The following CACNA1G variants were observed in gnomAD, a reference collection of about 807,000 sequenced individuals.
The protein encoded by CACNA1G is calcium voltage-gated channel subunit alpha1 G.
A neutral mutation model predicts 219.4 loss-of-function variants in CACNA1G; 67 were observed. The ratio of observed to expected loss-of-function variants is 0.31; its 90% CI spans 0.25 to 0.37. The LOEUF (loss-of-function observed/expected upper bound fraction) is 0.37. Among genes scored for constraint, CACNA1G ranks in the 10% least tolerant of loss-of-function variants. CACNA1G has a pLI of 1.00. For missense variants in CACNA1G, 2,380 were observed against 3,231.4 expected (o/e 0.74, Z 6.39); for synonymous variants, 1,296 against 1,345.3 (o/e 0.96, Z 0.80).
In CACNA1G at chr17:50,575,944, C is replaced by A; in HGVS notation, c.1542C>A (p.Ala514=). The A allele has an allele frequency of 6.4e-7, 1 of 1,553,474 alleles. No individual in the cohort carries two copies. Among genetic ancestry groups the A allele is most frequent in the South Asian group, 1.2e-5 (1 of 84,302 alleles). Residue 514 remains alanine, a synonymous_variant, in exon 8 of 38, where the codon GCC becomes GCA. Transcript: ENST00000359106. ...ACCTGGGCAATGGGACGCTCAGGGC[C>A]CCCCGGGCCAGCCCGGAGATCCAGG... ...HYHLGNGTLR[A]PRASPEIQDR... is the part of the protein sequence containing the mutation.
chr17:50,604,615 C>T (rs892106367), intron 22 of CACNA1G, among the ~76,000 whole-genome samples: 2 of 152,228 alleles, frequency 1.3e-5, no homozygotes, highest in African/African-American at 2.4e-5. Flanking sequence ...CTTCCCGGCT[C>T]GAGCACAGTG....
chr17:50,619,311 C>T lies in CACNA1G; in HGVS notation c.5781+303C>T, dbSNP rs528172091. Among the ~76,000 whole-genome samples the T allele has an allele frequency of 2.0e-5, 3 of 152,266 alleles. No homozygotes were observed. In the East Asian group the frequency reaches 5.8e-4, roughly 29 times the overall value. On this transcript the variant is annotated intron_variant, in intron 33 of 37. Transcript: ENST00000359106. Reference sequence around the variant, plus strand: ...TAAGTTTTCTGTTTCCTTCCTGTTTCTTTCTTACCCTTGCCCAACTGCCAA... The same window carrying T: ...TAAGTTTTCTGTTTCCTTCCTGTTTTTTTCTTACCCTTGCCCAACTGCCAA...
intron 7 of CACNA1G, 71 bp downstream of exon 7, chr17:50,573,184 G>T: frequency 8.7e-7 from 1 of 1,145,974 alleles, no homozygotes; most frequent in South Asian, 1.3e-5. Flanking sequence ...TCCAGAGAGG[G>T]GATAGTTTGC....
intron 35 of CACNA1G, 23 bp from the exon 36 acceptor site, chr17:50,623,884 T>C: frequency 6.3e-7 from 1 of 1,596,090 alleles, no homozygotes. Flanking sequence ...TTCCTCCACC[T>C]CCCTCCCCTG....
intron 26 of CACNA1G, among the ~76,000 whole-genome samples, chr17:50,613,119 G>A (rs1038592463): frequency 1.3e-5 from 2 of 152,234 alleles, no homozygotes; most frequent in African/African-American, 4.8e-5. Flanking sequence ...TACCCACCTG[G>A]CAACTGGCGA....
intron 35 of CACNA1G, among the ~76,000 whole-genome samples, chr17:50,623,672 C>T (rs941728057): frequency 2.6e-5 from 4 of 152,036 alleles, no homozygotes; most frequent in Non-Finnish European, 5.9e-5. Flanking sequence ...GGCCTGCAGA[C>T]TCTCCCGGCT....
Position 50,618,782 on chromosome 17 carries a change from A to C in CACNA1G, c.5555A>C (p.Lys1852Thr), listed in dbSNP as rs776311974. The change falls in exon 33 of 38, where the codon AAG (lysine) becomes ACG (threonine). Residue 1852 changes from lysine to threonine, a missense_variant. Lys to Thr is a moderately conservative substitution (Grantham distance 78, BLOSUM62 -1). Coordinates refer to ENST00000359106, the MANE Select transcript of CACNA1G (RefSeq NM_018896.5). The surrounding 1 kb of genome is among the most constrained non-coding windows in gnomAD (Gnocchi z 5.3). ...AACGTGGTGATCGCCGTGCTGATGA[A>C]GCACCTGGAGGAGAGCAACAAGGAG... is the stretch of plus-strand genomic sequence containing the variant. ...LVNVVIAVLMKHLEESNKEAK... is the reference protein window; with the variant it reads ...LVNVVIAVLMTHLEESNKEAK... 1 of 1,613,992 alleles carries C rather than the reference A, an allele frequency of 6.2e-7. No individual in the cohort carries two copies. The highest frequency in any genetic ancestry group is 2.2e-5 in the East Asian group (1 of 44,878).
intron 20 of CACNA1G, 26 bp downstream of exon 20, chr17:50,602,914 G>A (rs2047051113): frequency 6.2e-7 from 1 of 1,612,208 alleles, no homozygotes; most frequent in Non-Finnish European, 8.5e-7. Flanking sequence ...GTTGGCTTGG[G>A]ACCTCTGGTT....
rs1268820733 is a variant in CACNA1G, at chr17:50,596,378, G to T, written c.2980-184G>T. Among the ~76,000 whole-genome samples the T allele has an allele frequency of 6.6e-6, 1 of 152,164 alleles. No individual in the cohort carries two copies. Among genetic ancestry groups the T allele is most frequent in the African/African-American group, 2.4e-5 (1 of 41,426 alleles). ...GTGGCTGGAGAGGCAGAGGTGGTGG[G>T]GCCCTGGGAAGCCTCGGGCCCCAAG... On this transcript the variant is annotated intron_variant, in intron 14 of 37. Coordinates refer to ENST00000359106, the MANE Select transcript of CACNA1G (RefSeq NM_018896.5). The surrounding 1 kb of genome is among the most constrained non-coding windows in gnomAD (Gnocchi z 4.8).
chr17:50,596,511 A>G lies in CACNA1G; in HGVS notation c.2980-51A>G, dbSNP rs1598426087. 2 of 1,518,994 alleles carry G rather than the reference A, an allele frequency of 1.3e-6. No homozygotes were observed. Among genetic ancestry groups the G allele is most frequent in the East Asian group, 4.5e-5 (2 of 44,314 alleles). 94.1% of individuals were successfully genotyped at this position (1,518,994 alleles called of 1,614,324 possible). On this transcript the variant is annotated intron_variant, in intron 14 of 37. Transcript: ENST00000359106. The surrounding 1 kb of genome is among the most constrained non-coding windows in gnomAD (Gnocchi z 4.8). ...AGAGAGGGAGGCCCGGTCCATCCCAACCACCCAAGCCTGGCCGGATCCCTA... is the reference window on the plus strand; with the variant it reads ...AGAGAGGGAGGCCCGGTCCATCCCAGCCACCCAAGCCTGGCCGGATCCCTA...
chr17:50,583,815 T>A (rs1219325317), intron 9 of CACNA1G, among the ~76,000 whole-genome samples: 1 of 152,034 alleles, frequency 6.6e-6, no homozygotes, highest in Non-Finnish European at 1.5e-5. Context: ...CAGTGATTGA[T>A]GTTAGCCCAG....
chr17:50,575,903 C>T lies in CACNA1G; in HGVS notation c.1501C>T (p.His501Tyr), dbSNP rs750741896. 1.4e-5 allele frequency: 22 copies of T among 1,557,886 alleles called. No homozygotes were observed. Among genetic ancestry groups the T allele is most frequent in the Non-Finnish European group, 1.9e-5 (22 of 1,151,948 alleles). The stretch of plus-strand genomic sequence containing the variant: ...CCACCTGGTGCACCACCACCACCAC[C>T]ATCACCACCACTACCACCTGGGCAA... The part of the protein sequence containing the change: ...VHHLVHHHHH[H>Y]HHHYHLGNGT... The change falls in exon 8 of 38, where the codon CAT becomes TAT. Residue 501 changes from histidine to tyrosine, a missense_variant. Coordinates refer to ENST00000359106, the MANE Select transcript of CACNA1G (RefSeq NM_018896.5).
chr17:50,561,377 C>A lies in CACNA1G; in HGVS notation c.-83C>A. On this transcript the variant is annotated 5_prime_UTR_variant, in exon 1 of 38. Coordinates refer to ENST00000359106, the MANE Select transcript of CACNA1G (RefSeq NM_018896.5). The stretch of plus-strand genomic sequence containing the variant: ...CCCACCAGATGTGCCCCCGCCGGGG[C>A]CCCCGGGTTGCGTGAGGACACCTCC... 6.6e-7 allele frequency: 1 copy of A among 1,507,940 alleles called. No individual in the cohort carries two copies. The allele number at this position is 1,507,940 out of a possible 1,614,324, so 93.4% of individuals were successfully genotyped here. A position where few individuals can be genotyped will look rare whatever the true frequency, so the allele number is the denominator to read the frequency against.
rs370741035 is a variant in CACNA1G, at chr17:50,602,997, C to T, written c.3985-18C>T. On this transcript the variant is annotated intron_variant, in intron 20 of 37. Coordinates refer to ENST00000359106, the MANE Select transcript of CACNA1G (RefSeq NM_018896.5). ...GCAGCGCAGGGAGGGCGGCCGATGA[C>T]GTGGCGGTGGTCCCCAGGTGGTGGC... is the stretch of plus-strand genomic sequence containing the variant. 127 of 1,609,898 alleles carry T rather than the reference C, an allele frequency of 7.9e-5. No homozygotes were observed. Among genetic ancestry groups the T allele is most frequent in the South Asian group, 1.3e-4 (12 of 90,952 alleles).
At chr17:50,587,454 G>A (rs2043216691) in intron 9 of CACNA1G, among the ~76,000 whole-genome samples, 1 of 152,186 alleles carries the variant, frequency 6.6e-6, no homozygotes. Flanking sequence ...TGGTCCCTGG[G>A]GCAACTTTGT....
Position 50,624,512 on chromosome 17 carries a change from A to G in CACNA1G, c.6382A>G (p.Arg2128Gly). ...ACCAGGACGCTCCCCTTTGGCTCAG[A>G]GGCCACTCAGGCGCCAGGTGAGCAG... ...PPPGRSPLAQ[R>G]PLRRQAAIRT... Residue 2128 changes from arginine to glycine, a missense_variant, in exon 37 of 38, where the codon AGG becomes GGG. By Grantham distance (125) the Arg-to-Gly change is moderately radical. This residue lies in a region of CACNA1G where 672 missense variants were observed against 670.5 expected (regional missense o/e 1.00). Coordinates refer to ENST00000359106, the MANE Select transcript of CACNA1G (RefSeq NM_018896.5). The G allele has an allele frequency of 6.3e-7, 1 of 1,592,914 alleles. No homozygotes were observed. Among genetic ancestry groups the G allele is most frequent in the Non-Finnish European group, 8.5e-7 (1 of 1,169,856 alleles).
chr17:50,615,221 G>A (rs562379699), intron 26 of CACNA1G, 140 bp from the exon 27 acceptor site: 16 of 829,376 alleles, frequency 1.9e-5, no homozygotes, highest in African/African-American at 5.2e-5. Flanking sequence ...AAGGGGCAGC[G>A]TGGGGAGGGC....
At chr17:50,582,530 C>T (rs1007805246) in intron 9 of CACNA1G, among the ~76,000 whole-genome samples, 1 of 152,104 alleles carries the variant, frequency 6.6e-6, no homozygotes, top group African/African-American at 2.4e-5. Flanking sequence ...ATACAAGGTG[C>T]CTGCGGGCCA....
Position 50,576,191 on chromosome 17 carries a change from C to T in CACNA1G, c.1789C>T (p.Pro597Ser). 1 of 1,610,112 alleles carries T rather than the reference C, an allele frequency of 6.2e-7. No homozygotes were observed. The highest frequency in any genetic ancestry group is 8.5e-7 in the Non-Finnish European group (1 of 1,178,812). ...GKVYPTVHTS[P>S]PPETLKEKAL... ...GGTGTATCCCACCGTGCACACCAGC[C>T]CTCCACCGGAGACGCTGAAGGAGAA... Residue 597 changes from proline (P) to serine (S), a missense_variant, in exon 8 of 38, where the codon CCT (proline) becomes TCT (serine). Physicochemically the swap from Pro to Ser is moderately conservative, Grantham distance 74 (BLOSUM62 -1). Coordinates refer to ENST00000359106, the MANE Select transcript of CACNA1G (RefSeq NM_018896.5).
Sources: allele counts gnomAD v4.1 joint callset (sites outside exome capture counted in the v4.1 genomes callset), GRCh38; gene constraint gnomAD v4.1.1; regional missense constraint gnomAD v4.1.1; non-coding constraint Gnocchi (gnomAD v3.1); transcripts MANE v1.5; gene names NCBI Gene and HGNC (gene_info 2026-07-23, HGNC 2026-07-21).